Variants in PDZRN4 observed in about 807,000 individuals in gnomAD.
PDZRN4 encodes the protein PDZ domain-containing RING finger protein 4.
PDZRN4 carries 70 observed loss-of-function variants against 99.0 expected under a neutral mutation model. The ratio of observed to expected loss-of-function variants is 0.71; its 90% CI spans 0.58 to 0.86. PDZRN4 has a LOEUF of 0.86. PDZRN4 is among the 40% of genes least tolerant of loss of function. The pLI is 0.00. For missense variants in PDZRN4, 1,474 were observed against 1,331.2 expected (o/e 1.11, Z -1.67); for synonymous variants, 551 against 501.6 (o/e 1.10, Z -1.32).
At chr12:41,564,521 A>T (rs1322454273) in intron 8 of PDZRN4, among the ~76,000 whole-genome samples, 1 of 152,216 alleles carries the variant, frequency 6.6e-6, no homozygotes, top group Non-Finnish European at 1.5e-5. Flanking sequence ...TTTCAGACTC[A>T]GTAACTACAT....
Position 41,300,812 on chromosome 12 carries a change from C to T in PDZRN4, c.843+106624C>T, listed in dbSNP as rs961925183. 2.6e-5 allele frequency among the ~76,000 whole-genome samples: 4 copies of T among 151,938 alleles called. No homozygotes were observed. The East Asian group carries it at 7.7e-4, about 29-fold the overall frequency. On this transcript the variant is annotated intron_variant, in intron 3 of 9. Coordinates refer to ENST00000402685, the MANE Select transcript of PDZRN4 (RefSeq NM_001164595.2). Reference sequence around the variant, plus strand: ...TTCAGAGCTATTATATCTTCTAAGACTTCCTTGTGTTTTATGGAAAGCTTC... The same window carrying T: ...TTCAGAGCTATTATATCTTCTAAGATTTCCTTGTGTTTTATGGAAAGCTTC...
chr12:41,505,323 G>A (rs923299453), intron 3 of PDZRN4, among the ~76,000 whole-genome samples: 2 of 152,112 alleles, frequency 1.3e-5, no homozygotes, highest in Admixed American at 6.6e-5. Flanking sequence ...TGTGCCACCA[G>A]ATAGCTCTTC....
intron 3 of PDZRN4, among the ~76,000 whole-genome samples, chr12:41,201,967 T>C (rs943104756): frequency 2.0e-5 from 3 of 152,164 alleles, no homozygotes; most frequent in South Asian, 2.1e-4. Flanking sequence ...AGGTTAGTTA[T>C]TGAACTTGAA....
intron 3 of PDZRN4, among the ~76,000 whole-genome samples, chr12:41,369,348 C>G (rs968268503): frequency 3.9e-5 from 6 of 151,996 alleles, no homozygotes; most frequent in African/African-American, 1.4e-4. Flanking sequence ...TTTCTTTATG[C>G]CTTGTAAGAA....
At chr12:41,257,416 G>A (rs78341846) in intron 3 of PDZRN4, among the ~76,000 whole-genome samples, 2,444 of 152,272 alleles carry the variant, frequency 0.016, 35 homozygotes, top group East Asian at 0.06. Flanking sequence ...TCTCTCATAG[G>A]CCCTGCCTTC....
chr12:41,444,083 G>A (rs1017750121), intron 3 of PDZRN4, among the ~76,000 whole-genome samples: 3 of 152,042 alleles, frequency 2.0e-5, no homozygotes, highest in Non-Finnish European at 4.4e-5. Context: ...ATTTAAAATC[G>A]GAGTGGCCAG....
chr12:41,231,212 G>A (rs1455881501), intron 3 of PDZRN4, among the ~76,000 whole-genome samples: 1 of 152,076 alleles, frequency 6.6e-6, no homozygotes, highest in African/African-American at 2.4e-5. Flanking sequence ...ATAAGCCCTT[G>A]AGCAGTAAGA....
At chr12:41,370,803 C>T (rs1952036095) in intron 3 of PDZRN4, among the ~76,000 whole-genome samples, 1 of 151,816 alleles carries the variant, frequency 6.6e-6, no homozygotes, top group South Asian at 2.1e-4. Flanking sequence ...TGTATGCATT[C>T]CTCACTTTAG....
chr12:41,287,674 G>A (rs1199437872), intron 3 of PDZRN4, among the ~76,000 whole-genome samples: 2 of 152,188 alleles, frequency 1.3e-5, no homozygotes, highest in African/African-American at 4.8e-5. Context: ...GGCAAGAAAA[G>A]AAAGAGAAAG....
chr12:41,194,893 G>A (rs1020093123), intron 3 of PDZRN4, among the ~76,000 whole-genome samples: 1 of 151,858 alleles, frequency 6.6e-6, no homozygotes, highest in Non-Finnish European at 1.5e-5. Flanking sequence ...TTTTAAATTT[G>A]TAATTAATAT....
At chr12:41,494,857 C>T (rs1207178872) in intron 3 of PDZRN4, among the ~76,000 whole-genome samples, 1 of 152,122 alleles carries the variant, frequency 6.6e-6, no homozygotes, top group African/African-American at 2.4e-5. Flanking sequence ...ATTTAAGCCA[C>T]CTGCTTCTCC....
chr12:41,193,143 A>G (rs1950746329), intron 2 of PDZRN4, among the ~76,000 whole-genome samples: 1 of 152,202 alleles, frequency 6.6e-6, no homozygotes, highest in Non-Finnish European at 1.5e-5. Flanking sequence ...TCTTTTTAAA[A>G]CAGTCCTCAT....
intron 3 of PDZRN4, among the ~76,000 whole-genome samples, chr12:41,462,161 T>C (rs1185996224): frequency 6.6e-6 from 1 of 152,222 alleles, no homozygotes; most frequent in Non-Finnish European, 1.5e-5. Context: ...ACTTACATTT[T>C]AAAGGGTCCT....
At chr12:41,244,295 G>A (rs1566389502) in intron 3 of PDZRN4, among the ~76,000 whole-genome samples, 1 of 152,076 alleles carries the variant, frequency 6.6e-6, no homozygotes, top group African/African-American at 2.4e-5. Flanking sequence ...CGCTCTCCTA[G>A]AATATTTCAA....
intron 3 of PDZRN4, among the ~76,000 whole-genome samples, chr12:41,300,294 CTA>C (rs1433131979): frequency 6.6e-6 from 1 of 151,822 alleles, no homozygotes; most frequent in East Asian, 1.9e-4. Context: ...AACAAATGTA[CTA>C]TGTCAGTAAG....
At chr12:41,452,755 A>G (rs139845351) in intron 3 of PDZRN4, among the ~76,000 whole-genome samples, 1 of 152,226 alleles carries the variant, frequency 6.6e-6, no homozygotes, top group Non-Finnish European at 1.5e-5. Context: ...AATAGTATGT[A>G]ACTAATTGTG....
Position 41,294,534 on chromosome 12 carries a change from T to C in PDZRN4, c.843+100346T>C, listed in dbSNP as rs188829700. ...AATGAGGGAAGGGAATTCATTCATTTTAAATATTTAACATTTAAAATTATT... is the reference window on the plus strand; with the variant it reads ...AATGAGGGAAGGGAATTCATTCATTCTAAATATTTAACATTTAAAATTATT... On this transcript the variant is annotated intron_variant, in intron 3 of 9. Transcript: ENST00000402685. 9.4e-4 allele frequency among the ~76,000 whole-genome samples: 143 copies of C among 152,280 alleles called. 1 individual carries two copies. The highest frequency in any genetic ancestry group is 3.3e-3 in the African/African-American group (139 of 41,570).
intron 3 of PDZRN4, among the ~76,000 whole-genome samples, chr12:41,492,707 T>C (rs1462202606): frequency 6.6e-6 from 1 of 152,166 alleles, no homozygotes; most frequent in Non-Finnish European, 1.5e-5. Flanking sequence ...AAAATCAGAC[T>C]TCATTTTGCA....
At chr12:41,283,488 G>GGAATCTCC in intron 3 of PDZRN4, among the ~76,000 whole-genome samples, 1 of 152,210 alleles carries the variant, frequency 6.6e-6, no homozygotes, top group East Asian at 1.9e-4. Context: ...AGAAAATGAG[G>GGAATCTCC]GAATCCTCCC....
Sources: gnomAD v4.1 joint callset for allele counts (sites outside exome capture counted in the v4.1 genomes callset) on GRCh38, gnomAD v4.1.1 for gene constraint, MANE v1.5 for transcripts, NCBI Gene and HGNC (gene_info 2026-07-23, HGNC 2026-07-21) for gene names.